RBFOX3: variants seen among roughly 807,000 people sequenced by gnomAD.
RBFOX3 encodes the protein RNA binding protein fox-1 homolog 3.
A neutral mutation model predicts 48.7 loss-of-function variants in RBFOX3; 17 were observed. The ratio of observed to expected loss-of-function variants is 0.35; its 90% confidence interval spans 0.24 to 0.52. The LOEUF (loss-of-function observed/expected upper bound fraction) is 0.52. Among genes scored for constraint, RBFOX3 ranks in the 20% least tolerant of loss-of-function variants. The pLI is 0.94. For synonymous variants in RBFOX3, 212 were observed against 209.5 expected, an observed-to-expected ratio of 1.01 and a Z score of -0.10; for missense variants, 382 against 497.5, an observed-to-expected ratio of 0.77 and a Z score of 2.21.
At chr17:79,136,629 C>T (rs1025070165) in intron 4 of RBFOX3, among the ~76,000 whole-genome samples, 8 of 152,298 alleles carry the variant, frequency 5.3e-5, no homozygotes, top group Non-Finnish European at 8.8e-5. Context: ...CTCAGCCTGG[C>T]GTAGCACTGC....
rs2031325880 is a variant in RBFOX3 at position 79,111,270 on chromosome 17, T to C, written c.222+4224A>G. Among the ~76,000 whole-genome samples, 1 of 152,140 alleles carries C rather than the reference T, an allele frequency of 6.6e-6. No homozygotes were observed. The highest frequency in any genetic ancestry group is 2.1e-4 in the South Asian group (1 of 4,826). On this transcript the variant is annotated intron_variant, in intron 5 of 14. Transcript: ENST00000693108. This position sits in a 1 kb window ranked among gnomAD's most constrained non-coding sequence, Gnocchi z 4.2. ...CCCCAGCAGGCAGTGAGGGAGGTGC[T>C]GGCCCCTCAGACATCAGGCCCTTGC...
chr17:79,328,279 T>A (rs2079646553), intron 2 of RBFOX3, among the ~76,000 whole-genome samples: 1 of 152,200 alleles, frequency 6.6e-6, no homozygotes, highest in African/African-American at 2.4e-5. Flanking sequence ...CTAAGCCTCT[T>A]ACTCTGCAGA....
intron 1 of RBFOX3, among the ~76,000 whole-genome samples, chr17:79,521,217 G>GACAC (rs1284110564): frequency 0.013 from 1,903 of 151,148 alleles, 40 homozygotes; most frequent in African/African-American, 0.038. Context: ...CTCACGCTCA[G>GACAC]ACACACACAC....
intron 1 of RBFOX3, among the ~76,000 whole-genome samples, chr17:79,510,256 C>T (rs1446022029): frequency 2.6e-5 from 4 of 152,276 alleles, no homozygotes; most frequent in Middle Eastern, 3.4e-3. Flanking sequence ...GGCCAGGCCC[C>T]GGGACTCTCG....
At chr17:79,512,190 G>A (rs371256957) in intron 1 of RBFOX3, among the ~76,000 whole-genome samples, 9 of 142,240 alleles carry the variant, frequency 6.3e-5, no homozygotes, top group African/African-American at 1.8e-4. Flanking sequence ...TGTTACCATC[G>A]GATATAGCCC....
At position 79,299,465 on chromosome 17, in the gene RBFOX3, C is replaced by T. The variant is rs1305383006; in HGVS notation, c.-74+8259G>A. 4.6e-5 allele frequency among the ~76,000 whole-genome samples: 7 copies of T among 152,098 alleles called. 1 individual carries two copies. The highest frequency in any genetic ancestry group is 3.3e-4 in the Admixed American group (5 of 15,278). ...TACAAATAACAGAAGTGAAAAAATA[C>T]AGTGTCATTGCTATTTTCGTGGCAT... On this transcript the variant is annotated intron_variant, in intron 3 of 14. Coordinates refer to ENST00000693108, the MANE Select transcript of RBFOX3 (RefSeq NM_001350451.2). The surrounding 1 kb of genome is among the most constrained non-coding windows in gnomAD (Gnocchi z 4.5).
At chr17:79,123,410 C>T (rs1028786177) in intron 4 of RBFOX3, among the ~76,000 whole-genome samples, 1 of 151,968 alleles carries the variant, frequency 6.6e-6, no homozygotes, top group African/African-American at 2.4e-5. Flanking sequence ...CCCTCTACCC[C>T]CAGCTCAGTT....
chr17:79,494,575 G>A (rs1392201850), intron 1 of RBFOX3, among the ~76,000 whole-genome samples: 4 of 152,242 alleles, frequency 2.6e-5, no homozygotes, highest in African/African-American at 9.6e-5. Context: ...GACACAGGGA[G>A]GGTTGGAGTG....
At chr17:79,375,536 G>A (rs772097013) in intron 2 of RBFOX3, among the ~76,000 whole-genome samples, 2 of 152,194 alleles carry the variant, frequency 1.3e-5, no homozygotes, top group African/African-American at 4.8e-5. Context: ...AGGGAGCAGC[G>A]TTCTGGGAGA....
At chr17:79,170,128 A>AGGAAGGAGGAAGGAAGGG (rs2048892180) in intron 4 of RBFOX3, among the ~76,000 whole-genome samples, 1 of 135,698 alleles carries the variant, frequency 7.4e-6, no homozygotes, top group African/African-American at 3.2e-5. Context: ...GGAAGGAAGG[A>AGGAAGGAGGAAGGAAGGG]AGGAGGAAGG....
At chr17:79,485,421 T>C (rs1402162687) in intron 1 of RBFOX3, among the ~76,000 whole-genome samples, 1 of 151,986 alleles carries the variant, frequency 6.6e-6, no homozygotes, top group Admixed American at 6.5e-5. Context: ...TCGGGAGATG[T>C]GATGAAAGAA....
the RBFOX3 span, among the ~76,000 whole-genome samples, chr17:79,652,603 A>AG: frequency 1.6e-4 from 24 of 148,878 alleles, no homozygotes; most frequent in Non-Finnish European, 1.8e-4. Context: ...AGAGGAGAGG[A>AG]AAGGAAAGGA....
intron 2 of RBFOX3, among the ~76,000 whole-genome samples, chr17:79,355,596 T>C (rs1037061416): frequency 3.3e-5 from 5 of 152,014 alleles, no homozygotes; most frequent in African/African-American, 7.2e-5. Flanking sequence ...TTTTTTTTTT[T>C]CCGAAACGGA....
chr17:79,547,591 CCAAA>C (rs1411236392), intron 1 of RBFOX3, among the ~76,000 whole-genome samples: 2 of 152,198 alleles, frequency 1.3e-5, no homozygotes, highest in African/African-American at 4.8e-5. Flanking sequence ...GTCCACTCAC[CCAAA>C]CAAACACACA....
intron 2 of RBFOX3, among the ~76,000 whole-genome samples, chr17:79,476,458 A>C (rs1340914603): frequency 6.6e-6 from 1 of 152,260 alleles, no homozygotes; most frequent in African/African-American, 2.4e-5. Flanking sequence ...ATAGAGGCAA[A>C]GCCAAAAGCA....
At chr17:79,647,818 C>A in the RBFOX3 span, among the ~76,000 whole-genome samples, 24 of 152,336 alleles carry the variant, frequency 1.6e-4, no homozygotes, top group South Asian at 1.7e-3. Flanking sequence ...TGCCCCACCC[C>A]CAACTCACAC....
intron 4 of RBFOX3, among the ~76,000 whole-genome samples, chr17:79,171,417 C>G (rs996010325): frequency 1.3e-5 from 2 of 152,192 alleles, no homozygotes; most frequent in Non-Finnish European, 2.9e-5. Context: ...CTTTGCTGGC[C>G]ATATGGTCTC....
chr17:79,141,834 C>T (rs961786624), intron 4 of RBFOX3, among the ~76,000 whole-genome samples: 7 of 152,130 alleles, frequency 4.6e-5, no homozygotes, highest in African/African-American at 1.4e-4. Flanking sequence ...ACAGTGATGC[C>T]GAAAGTGAGC....
rs528236407 is a variant in RBFOX3 at position 79,340,351 on chromosome 17, T to C, written c.-174-32527A>G. On this transcript the variant is annotated intron_variant, in intron 2 of 14. Coordinates refer to ENST00000693108, the MANE Select transcript of RBFOX3 (RefSeq NM_001350451.2). ...AACTCTCTGAGCATGATAGAATCTA[T>C]GTTGGGAGCCAGGCTGCCAGCAGCT... 4.7e-3 allele frequency among the ~76,000 whole-genome samples: 717 copies of C among 151,316 alleles called. 5 individuals are homozygous for C. Among genetic ancestry groups the C allele is most frequent in the African/African-American group, 0.017 (683 of 41,328 alleles).
Sources: allele counts gnomAD v4.1 joint callset (sites outside exome capture counted in the v4.1 genomes callset), GRCh38; gene constraint gnomAD v4.1.1; non-coding constraint Gnocchi (gnomAD v3.1); transcripts MANE v1.5; gene names NCBI Gene and HGNC (gene_info 2026-07-23, HGNC 2026-07-21).